Variants in ZNF558 observed in about 807,000 individuals in gnomAD.
ZNF558 encodes zinc finger protein 558.
ZNF558 carries 23 observed loss-of-function variants against 37.6 expected under a neutral mutation model. The ratio of observed to expected loss-of-function variants is 0.61; its 90% CI spans 0.44 to 0.87. The LOEUF (loss-of-function observed/expected upper bound fraction) is 0.87, where lower values mean the gene tolerates loss of function less well. ZNF558 is among the 40% of genes least tolerant of loss of function. The pLI is 0.00. For synonymous variants in ZNF558, 189 were observed against 174.4 expected (o/e 1.08, Z -0.66); for missense variants, 429 against 483.7 (o/e 0.89, Z 1.06).
chr19:8,818,633 GA>G (rs1157643175), intron 7 of ZNF558, among the ~76,000 whole-genome samples: 1 of 152,010 alleles, frequency 6.6e-6, no homozygotes, highest in African/African-American at 2.4e-5. Flanking sequence ...GACAAGAAGT[GA>G]AAAAGAAGAA....
intron 2 of ZNF558, among the ~76,000 whole-genome samples, chr19:8,827,126 G>A (rs2044249920): frequency 6.8e-6 from 1 of 147,128 alleles, no homozygotes; most frequent in Non-Finnish European, 1.5e-5. Context: ...TTCCCACTAG[G>A]ACAGGAGGGG....
intron 7 of ZNF558, among the ~76,000 whole-genome samples, chr19:8,820,452 C>T (rs992013233): frequency 2.0e-5 from 3 of 152,184 alleles, no homozygotes; most frequent in East Asian, 1.9e-4. Context: ...AGGAATGAAG[C>T]GCTGGTACAA....
upstream of ZNF558, among the ~76,000 whole-genome samples, chr19:8,836,823 A>G (rs773771774): frequency 1.3e-4 from 20 of 152,202 alleles, no homozygotes; most frequent in Non-Finnish European, 2.5e-4. Context: ...ACACCATCAC[A>G]TTATTAAATG....
chr19:8,835,592 G>A (rs1052416283), upstream of ZNF558, among the ~76,000 whole-genome samples: 54 of 152,296 alleles, frequency 3.5e-4, no homozygotes, highest in African/African-American at 1.3e-3. Context: ...ATTGTAAAAT[G>A]GTGCACCCAC....
Position 8,809,837 on chromosome 19 carries a change from T to C in ZNF558, c.*1444A>G, listed in dbSNP as rs879977537. On this transcript the variant is annotated 3_prime_UTR_variant, in exon 10 of 10. Coordinates refer to ENST00000601372, the MANE Select transcript of ZNF558 (RefSeq NM_144693.3). ...ACAGATGAGACACTGATAAAGGATA[T>C]CCCACACTCAAAACAGTGATTATAC... The C allele has an allele frequency of 2.0e-5, 3 of 152,256 alleles. No homozygotes were observed. Among genetic ancestry groups the C allele is most frequent in the Admixed American group, 6.5e-5 (1 of 15,286 alleles). The allele number at this position is 152,256 out of a possible 1,614,324, so 9.4% of individuals were successfully genotyped here. A position where few individuals can be genotyped will look rare whatever the true frequency, so the allele number is the denominator to read the frequency against.
At position 8,811,052 on chromosome 19, in the gene ZNF558, G is replaced by A; in HGVS notation, c.*229C>T. On this transcript the variant is annotated 3_prime_UTR_variant, in exon 10 of 10. Transcript: ENST00000601372. Reference sequence around the variant, plus strand: ...GCTTTGGCTGACATCTTGATTGTAAGTAAAGGCATGAGAGATCCTGCAGTG... The same window carrying A: ...GCTTTGGCTGACATCTTGATTGTAAATAAAGGCATGAGAGATCCTGCAGTG... 2.2e-6 allele frequency: 1 copy of A among 456,070 alleles called. No homozygotes were observed. Among genetic ancestry groups the A allele is most frequent in the South Asian group, 3.9e-5 (1 of 25,644 alleles). The allele number at this position is 456,070 out of a possible 1,614,324, so 28.3% of individuals were successfully genotyped here. A position where few individuals can be genotyped will look rare whatever the true frequency, so the allele number is the denominator to read the frequency against.
rs1180707934 is a variant in ZNF558, at chr19:8,823,434, G to A, written c.-66+648C>T. ...CCTCAGTCAGCCCCCCTCCTGCCTCGGTCACCCCCCTCCTGCCTCGGTCAC... is the reference window on the plus strand; with the variant it reads ...CCTCAGTCAGCCCCCCTCCTGCCTCAGTCACCCCCCTCCTGCCTCGGTCAC... On this transcript the variant is annotated intron_variant, in intron 4 of 9. Transcript: ENST00000601372. Among the ~76,000 whole-genome samples, 25 of 66,208 alleles carry A rather than the reference G, an allele frequency of 3.8e-4. 1 individual carries two copies. Among genetic ancestry groups the A allele is most frequent in the African/African-American group, 1.5e-3 (23 of 15,380 alleles). 43.4% of individuals were successfully genotyped at this position (66,208 alleles called of 152,430 possible).
chr19:8,821,097 TACC>T lies in ZNF558; in HGVS notation c.247+80_247+82del, dbSNP rs1056215147. 4 of 1,543,610 alleles carry T rather than the reference TACC, an allele frequency of 2.6e-6. No individual in the cohort carries two copies. In the African/African-American group the frequency reaches 5.5e-5, roughly 21 times the overall value. On this transcript the variant is annotated intron_variant, in intron 7 of 9. Coordinates refer to ENST00000601372, the MANE Select transcript of ZNF558 (RefSeq NM_144693.3). ...GGTGAATTTTATGTTGTATGGATTT[TACC>T]ACAATAAAAAAAGTAAGCAAAGCAG...
rs750708323 is a variant in ZNF558 at position 8,822,143 on chromosome 19, G to T, written c.32-52C>A. The T allele has an allele frequency of 5.6e-6, 9 of 1,609,384 alleles. No individual in the cohort carries two copies. In the East Asian group the frequency reaches 1.6e-4, roughly 28 times the overall value. On this transcript the variant is annotated intron_variant, in intron 5 of 9. Transcript: ENST00000601372. This position sits in a 1 kb window ranked among gnomAD's most constrained non-coding sequence, Gnocchi z 4.4. ...GATTCAGGCTTGTCTGACACCCACAGATCTGCCCCTGATTGACCACACCCA... is the reference window on the plus strand; with the variant it reads ...GATTCAGGCTTGTCTGACACCCACATATCTGCCCCTGATTGACCACACCCA...
intron 4 of ZNF558, among the ~76,000 whole-genome samples, chr19:8,823,592 A>C (rs1386615392): frequency 2.6e-4 from 23 of 89,704 alleles, no homozygotes; most frequent in East Asian, 3.6e-4. Context: ...GGCCTCAGTC[A>C]CCCCCCTCCT....
At chr19:8,826,482 T>C (rs183178134) in intron 2 of ZNF558, among the ~76,000 whole-genome samples, 18 of 150,788 alleles carry the variant, frequency 1.2e-4, no homozygotes, top group Admixed American at 9.3e-4. Flanking sequence ...TCCTAAGGAG[T>C]GTGCAATCCA....
Position 8,822,766 on chromosome 19 carries a change from C to T in ZNF558, c.-65-42G>A. On this transcript the variant is annotated intron_variant, in intron 4 of 9. Transcript: ENST00000601372. The surrounding 1 kb of genome is among the most constrained non-coding windows in gnomAD (Gnocchi z 4.4). ...TGCTCCAAGTCTCCGTGGCCTCCTC[C>T]CTCTCGGGCTGCTGGGGATGGGCCC... 1.3e-6 allele frequency: 2 copies of T among 1,571,926 alleles called. No individual in the cohort carries two copies. Among genetic ancestry groups the T allele is most frequent in the Non-Finnish European group, 1.7e-6 (2 of 1,148,842 alleles).
Position 8,807,692 on chromosome 19 carries a change from T to C in ZNF558, c.*3589A>G, listed in dbSNP as rs1389694644. 2.6e-5 allele frequency: 4 copies of C among 152,180 alleles called. No homozygotes were observed. Among genetic ancestry groups the C allele is most frequent in the African/African-American group, 4.8e-5 (2 of 41,450 alleles). 9.4% of individuals were successfully genotyped at this position (152,180 alleles called of 1,614,324 possible). On this transcript the variant is annotated 3_prime_UTR_variant, in exon 10 of 10. Coordinates refer to ENST00000601372, the MANE Select transcript of ZNF558 (RefSeq NM_144693.3). Reference sequence around the variant, plus strand: ...TCCTTACCAAGAGGCTTTCTTTTCCTAGTTATATAAAATTATTATTCCCAA... The same window carrying C: ...TCCTTACCAAGAGGCTTTCTTTTCCCAGTTATATAAAATTATTATTCCCAA...
Position 8,822,617 on chromosome 19 carries a change from C to T in ZNF558, c.31+12G>A, listed in dbSNP as rs748987942. 1.2e-6 allele frequency: 2 copies of T among 1,613,956 alleles called. No individual in the cohort carries two copies. Among genetic ancestry groups the T allele is most frequent in the Non-Finnish European group, 8.5e-7 (1 of 1,179,982 alleles). ...GCTGGACTCTGAGAAATGTCAGGACCCCACGACTCACCAGCAGTCGAGGGC... is the reference window on the plus strand; with the variant it reads ...GCTGGACTCTGAGAAATGTCAGGACTCCACGACTCACCAGCAGTCGAGGGC... On this transcript the variant is annotated intron_variant, in intron 5 of 9. Transcript: ENST00000601372. The surrounding 1 kb of genome is among the most constrained non-coding windows in gnomAD (Gnocchi z 4.4).
intron 6 of ZNF558, chr19:8,821,789 G>A (rs2044099065): frequency 5.1e-6 from 7 of 1,384,792 alleles, no homozygotes; most frequent in African/African-American, 1.5e-5. Flanking sequence ...AGCACATGAT[G>A]TACTCAGGGA....
chr19:8,835,124 T>A (rs2044441414), upstream of ZNF558, among the ~76,000 whole-genome samples: 1 of 151,902 alleles, frequency 6.6e-6, no homozygotes, highest in Non-Finnish European at 1.5e-5. Context: ...CCATTTTGGC[T>A]CACTGCATCC....
intron 2 of ZNF558, among the ~76,000 whole-genome samples, chr19:8,827,327 T>G (rs972968148): frequency 5.9e-5 from 9 of 152,170 alleles, no homozygotes; most frequent in African/African-American, 1.2e-4. Context: ...TTATTTTTTT[T>G]GGGAGCAATC....
At position 8,822,771 on chromosome 19, in the gene ZNF558, C is replaced by T. The variant is rs1161189132; in HGVS notation, c.-65-47G>A. On this transcript the variant is annotated intron_variant, in intron 4 of 9. Coordinates refer to ENST00000601372, the MANE Select transcript of ZNF558 (RefSeq NM_144693.3). This position sits in a 1 kb window ranked among gnomAD's most constrained non-coding sequence, Gnocchi z 4.4. ...CAAGTCTCCGTGGCCTCCTCCCTCT[C>T]GGGCTGCTGGGGATGGGCCCTCCTC... 2.0e-5 allele frequency: 32 copies of T among 1,563,136 alleles called. No individual in the cohort carries two copies. Among genetic ancestry groups the T allele is most frequent in the Admixed American group, 1.2e-4 (7 of 59,146 alleles).
intron 7 of ZNF558, among the ~76,000 whole-genome samples, chr19:8,814,947 G>T (rs1225187470): frequency 1.3e-5 from 2 of 152,164 alleles, no homozygotes; most frequent in African/African-American, 4.8e-5. Context: ...ACTAACTTTA[G>T]AACTGTTGTA....
Sources: gnomAD v4.1 joint callset for allele counts (sites outside exome capture counted in the v4.1 genomes callset) on GRCh38, gnomAD v4.1.1 for gene constraint, Gnocchi (gnomAD v3.1) non-coding constraint, MANE v1.5 for transcripts, NCBI Gene and HGNC (gene_info 2026-07-23, HGNC 2026-07-21) for gene names.